Variants in UBAC2 observed in about 807,000 individuals in gnomAD.
UBAC2 encodes the protein UBA domain containing 2.
In UBAC2, 26 loss-of-function variants were observed where a neutral mutation model predicts 44.0. The ratio of observed to expected loss-of-function variants is 0.59; its 90% CI spans 0.43 to 0.82. UBAC2 has a LOEUF of 0.82. Among genes scored for constraint, UBAC2 ranks in the 40% least tolerant of loss-of-function variants. UBAC2 has a pLI of 0.00. For missense variants in UBAC2, 329 were observed against 419.4 expected (o/e 0.78, Z 1.88); for synonymous variants, 155 against 154.3 (o/e 1.00, Z -0.04).
At chr13:99,281,170 CAG>C (rs1362231190) in intron 4 of UBAC2, among the ~76,000 whole-genome samples, 7 of 151,378 alleles carry the variant, frequency 4.6e-5, no homozygotes, top group African/African-American at 1.7e-4. Context: ...GCCTGGGTGA[CAG>C]AGCGAGACTC....
chr13:99,219,186 A>G (rs1325729308), intron 1 of UBAC2, among the ~76,000 whole-genome samples: 1 of 152,172 alleles, frequency 6.6e-6, no homozygotes, highest in Non-Finnish European at 1.5e-5. Context: ...GTATTTTTAC[A>G]TGCGTGACTT....
intron 4 of UBAC2, among the ~76,000 whole-genome samples, chr13:99,245,574 C>T (rs776371800): frequency 3.2e-4 from 49 of 152,078 alleles, no homozygotes; most frequent in Non-Finnish European, 5.0e-4. Flanking sequence ...AAAAAACAGG[C>T]CGGGCGCGGT....
chr13:99,362,195 T>A (rs2045274439), intron 7 of UBAC2, among the ~76,000 whole-genome samples: 1 of 152,210 alleles, frequency 6.6e-6, no homozygotes. Flanking sequence ...TATTTGAGAT[T>A]TACCCATGTA....
intron 6 of UBAC2, among the ~76,000 whole-genome samples, chr13:99,318,801 G>A (rs1306061544): frequency 3.8e-5 from 5 of 130,226 alleles, no homozygotes; most frequent in East Asian, 2.3e-4. Flanking sequence ...CAGCCTGGGC[G>A]ACAGAGTGAG....
At chr13:99,350,385 G>T (rs540837024) in intron 7 of UBAC2, among the ~76,000 whole-genome samples, 40 of 152,294 alleles carry the variant, frequency 2.6e-4, no homozygotes, top group African/African-American at 9.4e-4. Context: ...TGATTAGAGG[G>T]TTGAGACTTT....
At chr13:99,381,582 AGC>A (rs1488685091) in intron 8 of UBAC2, among the ~76,000 whole-genome samples, 1 of 152,236 alleles carries the variant, frequency 6.6e-6, no homozygotes, top group Non-Finnish European at 1.5e-5. Context: ...AAGGCAGGCC[AGC>A]TCCCGTTTGG....
At chr13:99,242,628 G>A (rs1385010127) in intron 2 of UBAC2, among the ~76,000 whole-genome samples, 122 of 130,174 alleles carry the variant, frequency 9.4e-4, no homozygotes, top group Non-Finnish European at 1.6e-3. Flanking sequence ...TGGCCAGGCG[G>A]GGGGCTGACC....
chr13:99,283,299 T>C (rs1176520217), intron 4 of UBAC2, among the ~76,000 whole-genome samples: 1 of 152,226 alleles, frequency 6.6e-6, no homozygotes, highest in African/African-American at 2.4e-5. Context: ...TTATTTGCTG[T>C]ATAAATAAAT....
intron 5 of UBAC2, among the ~76,000 whole-genome samples, chr13:99,316,850 T>G (rs1017316516): frequency 7.3e-4 from 111 of 152,346 alleles, no homozygotes; most frequent in Non-Finnish European, 7.3e-4. Flanking sequence ...TGTGGCAAAT[T>G]GCTTAACCAC....
chr13:99,350,412 C>T (rs1432856128), intron 7 of UBAC2, among the ~76,000 whole-genome samples: 1 of 152,174 alleles, frequency 6.6e-6, no homozygotes, highest in African/African-American at 2.4e-5. Context: ...CACCCCCAAC[C>T]TCTGTGATTA....
chr13:99,304,324 A>G lies in UBAC2; in HGVS notation c.390-9773A>G, dbSNP rs1023815794. The stretch of plus-strand genomic sequence containing the variant: ...TTACTTTCCTTCAAGCCTTAGTTCT[A>G]AGTATCCCAGGAGCATTCCTGTTCT... On this transcript the variant is annotated intron_variant, in intron 4 of 8. Coordinates refer to ENST00000403766, the MANE Select transcript of UBAC2 (RefSeq NM_001144072.2). Among the ~76,000 whole-genome samples, 5 of 152,158 alleles carry G rather than the reference A, an allele frequency of 3.3e-5. No homozygotes were observed. In the South Asian group the frequency reaches 1.0e-3, roughly 32 times the overall value.
intron 7 of UBAC2, among the ~76,000 whole-genome samples, chr13:99,348,461 C>T (rs1449864646): frequency 6.6e-6 from 1 of 152,146 alleles, no homozygotes; most frequent in East Asian, 1.9e-4. Context: ...TGAAAAAACG[C>T]ACAGGGGCTC....
intron 1 of UBAC2, among the ~76,000 whole-genome samples, chr13:99,223,542 G>GTTTTTTTTTTTTTTTT (rs145143990): frequency 6.4e-5 from 4 of 62,446 alleles, no homozygotes; most frequent in Non-Finnish European, 8.3e-5. Flanking sequence ...CTCTTTTTCT[G>GTTTTTTTTTTTTTTTT]TTTTTTTTTT....
intron 8 of UBAC2, among the ~76,000 whole-genome samples, chr13:99,376,533 T>C (rs966426608): frequency 6.6e-6 from 1 of 152,378 alleles, no homozygotes; most frequent in East Asian, 1.9e-4. Flanking sequence ...CTTGGTGTCC[T>C]CTGAGTAGCC....
At chr13:99,248,764 C>T (rs1481638909) in intron 4 of UBAC2, among the ~76,000 whole-genome samples, 7 of 151,916 alleles carry the variant, frequency 4.6e-5, no homozygotes, top group Non-Finnish European at 7.4e-5. Context: ...TGGCCTCCAG[C>T]GATCCTCCTG....
chr13:99,352,427 A>G (rs1450147582), intron 7 of UBAC2, among the ~76,000 whole-genome samples: 3 of 152,204 alleles, frequency 2.0e-5, no homozygotes, highest in Non-Finnish European at 4.4e-5. Context: ...ATGGAAGCAT[A>G]TGTAGCTGAT....
intron 1 of UBAC2, among the ~76,000 whole-genome samples, chr13:99,207,522 G>C (rs2042886896): frequency 6.6e-6 from 1 of 151,964 alleles, no homozygotes; most frequent in African/African-American, 2.4e-5. Context: ...TGTGCAATTA[G>C]TCTGCTACTC....
chr13:99,337,507 A>G (rs1358538680), intron 6 of UBAC2, among the ~76,000 whole-genome samples: 2 of 152,140 alleles, frequency 1.3e-5, no homozygotes, highest in Admixed American at 1.3e-4. Context: ...TTGTTTCACC[A>G]CAGTGGATCT....
rs150827094 is a variant in UBAC2 at position 99,338,071 on chromosome 13, T to A, written c.562-2249T>A. Among the ~76,000 whole-genome samples the A allele has an allele frequency of 9.4e-3, 982 of 104,614 alleles. 2 individuals carry two copies. The highest frequency in any genetic ancestry group is 0.011 in the African/African-American group (316 of 29,424). The allele number at this position is 104,614 out of a possible 152,430, so 68.6% of individuals were successfully genotyped here. ...TCTTTTTTTTTTTTTTTTTTTTTTTTTTTTGAGACAGAGTCTCACTGTGTC... is the reference window on the plus strand; with the variant it reads ...TCTTTTTTTTTTTTTTTTTTTTTTTATTTTGAGACAGAGTCTCACTGTGTC... On this transcript the variant is annotated intron_variant, in intron 6 of 8. Coordinates refer to ENST00000403766, the MANE Select transcript of UBAC2 (RefSeq NM_001144072.2).
Sources: gnomAD v4.1 joint callset for allele counts (sites outside exome capture counted in the v4.1 genomes callset) on GRCh38, gnomAD v4.1.1 for gene constraint, MANE v1.5 for transcripts, NCBI Gene and HGNC (gene_info 2026-07-23, HGNC 2026-07-21) for gene names.